Variants in CAMK2D observed in about 807,000 individuals in gnomAD.
CAMK2D encodes the protein calcium/calmodulin dependent protein kinase II delta, also known as calcium/calmodulin-dependent protein kinase type II subunit delta.
Under a neutral mutation model 84.0 loss-of-function variants are expected in CAMK2D, and 37 were observed. The observed-to-expected ratio is 0.44, with a 90% CI of 0.34 to 0.58. The LOEUF (loss-of-function observed/expected upper bound fraction) is 0.58. Among genes scored for constraint, CAMK2D ranks in the 20% least tolerant of loss-of-function variants. The pLI is 0.02. For synonymous variants in CAMK2D, 202 were observed against 212.5 expected, an observed-to-expected ratio of 0.95 and a Z score of 0.43; for missense variants, 448 against 652.5, an observed-to-expected ratio of 0.69 and a Z score of 3.41.
chr4:113,589,483 TCA>T (rs1049962950), intron 4 of CAMK2D, among the ~76,000 whole-genome samples: 3 of 152,160 alleles, frequency 2.0e-5, no homozygotes, highest in African/African-American at 7.2e-5. Context: ...TGAAATATAT[TCA>T]GTTTCTGAAT....
intron 6 of CAMK2D, among the ~76,000 whole-genome samples, chr4:113,543,813 A>G (rs2098548062): frequency 7.3e-6 from 1 of 137,698 alleles, no homozygotes; most frequent in South Asian, 2.4e-4. Context: ...TATTTTTGAG[A>G]CAGAGTCTCG....
At chr4:113,582,357 G>A (rs553702764) in intron 4 of CAMK2D, among the ~76,000 whole-genome samples, 1 of 152,158 alleles carries the variant, frequency 6.6e-6, no homozygotes, top group African/African-American at 2.4e-5. Context: ...TAGCAGAGCT[G>A]TCTCTTTAAC....
chr4:113,483,463 T>G (rs1488310132), intron 16 of CAMK2D, among the ~76,000 whole-genome samples: 16 of 152,106 alleles, frequency 1.1e-4, no homozygotes, highest in Non-Finnish European at 2.9e-5. Context: ...TGGAGTGCAG[T>G]GGCACAATCT....
chr4:113,496,815 TAGC>T (rs2097940441), intron 16 of CAMK2D, among the ~76,000 whole-genome samples: 1 of 93,280 alleles, frequency 1.1e-5, no homozygotes, highest in African/African-American at 7.6e-5. Flanking sequence ...TTTCCTGACA[TAGC>T]ATCATCAGAG....
intron 4 of CAMK2D, among the ~76,000 whole-genome samples, chr4:113,597,782 T>G (rs1201892976): frequency 1.3e-5 from 2 of 152,250 alleles, no homozygotes; most frequent in Non-Finnish European, 2.9e-5. Context: ...TAATTCTTTC[T>G]AGGTTTTGAT....
chr4:113,588,988 C>CT (rs1436563024), intron 4 of CAMK2D, among the ~76,000 whole-genome samples: 2 of 152,026 alleles, frequency 1.3e-5, no homozygotes, highest in East Asian at 3.9e-4. Context: ...GAGCCAAGCT[C>CT]TGAGAGGAGA....
In CAMK2D at chr4:113,599,961, G is replaced by A. The variant is rs76512441; in HGVS notation, c.275+9191C>T. Among the ~76,000 whole-genome samples the A allele has an allele frequency of 5.7e-3, 873 of 152,256 alleles. 29 individuals carry two copies. In the East Asian group the frequency reaches 0.11, roughly 20 times the overall value. ...ATGGCAAAGGTGGAGGAAAATCCAC[G>A]TATAAGTGGACCTGTGCAGTTCAAA... On this transcript the variant is annotated intron_variant, in intron 4 of 20. Transcript: ENST00000511664.
chr4:113,605,879 T>C (rs1591827261), intron 4 of CAMK2D, among the ~76,000 whole-genome samples: 1 of 152,016 alleles, frequency 6.6e-6, no homozygotes, highest in East Asian at 1.9e-4. Context: ...AAATCCAAAG[T>C]CTTATAAAAT....
chr4:113,615,780 T>C (rs537359506), intron 3 of CAMK2D, among the ~76,000 whole-genome samples: 89 of 152,252 alleles, frequency 5.8e-4, no homozygotes, highest in Admixed American at 1.2e-3. Flanking sequence ...GAGTCCTACA[T>C]AGCATTTATA....
chr4:113,672,183 T>A (rs1021315257), intron 2 of CAMK2D, among the ~76,000 whole-genome samples: 1 of 152,190 alleles, frequency 6.6e-6, no homozygotes, highest in Admixed American at 6.5e-5. Flanking sequence ...CTGCTAAAAC[T>A]AGTCATTAAA....
chr4:113,620,106 A>G (rs28494872), intron 3 of CAMK2D, among the ~76,000 whole-genome samples: 3,370 of 152,252 alleles, frequency 0.022, 139 homozygotes, highest in African/African-American at 0.075. Context: ...TTTCTCAAAG[A>G]TAGGGTTGGG....
intron 2 of CAMK2D, among the ~76,000 whole-genome samples, chr4:113,747,568 T>A (rs2099607426): frequency 1.3e-5 from 2 of 152,120 alleles, no homozygotes; most frequent in Non-Finnish European, 2.9e-5. Flanking sequence ...TTTTAAACAG[T>A]CATTAATCCA....
intron 13 of CAMK2D, chr4:113,508,163 C>G: frequency 1.9e-6 from 2 of 1,078,426 alleles, no homozygotes; most frequent in South Asian, 2.7e-5. Context: ...CTTACACTAT[C>G]TTAGGTAAAT....
rs910770583 is a variant in CAMK2D at position 113,520,265 on chromosome 4, G to A, written c.602-2608C>T. 7.2e-5 allele frequency among the ~76,000 whole-genome samples: 11 copies of A among 152,040 alleles called. No individual in the cohort carries two copies. The East Asian group carries it at 7.8e-4, about 11-fold the overall frequency. On this transcript the variant is annotated intron_variant, in intron 8 of 20. Coordinates refer to ENST00000511664, the MANE Select transcript of CAMK2D (RefSeq NM_001321571.2). The stretch of plus-strand genomic sequence containing the variant: ...TACTAAAAATACAAAAAAATTAACC[G>A]GGCATGGTGGCACATGCCTTTAGTC...
chr4:113,493,176 C>T (rs1208545350), intron 16 of CAMK2D, among the ~76,000 whole-genome samples: 2 of 150,216 alleles, frequency 1.3e-5, no homozygotes, highest in Admixed American at 1.3e-4. Flanking sequence ...TGAATTTGAT[C>T]CTGTCATTAT....
intron 2 of CAMK2D, among the ~76,000 whole-genome samples, chr4:113,718,650 T>C (rs1196840815): frequency 1.3e-5 from 2 of 152,300 alleles, no homozygotes; most frequent in African/African-American, 4.8e-5. Flanking sequence ...AGGGTTTTGT[T>C]TGGGAAAGGG....
intron 16 of CAMK2D, 21 bp from the exon 17 acceptor site, chr4:113,465,625 T>C (rs2097449990): frequency 6.8e-7 from 1 of 1,467,548 alleles, no homozygotes; most frequent in Non-Finnish European, 9.5e-7. Context: ...AAATATGGAG[T>C]TGGGTAAGAA....
intron 5 of CAMK2D, among the ~76,000 whole-genome samples, chr4:113,550,393 G>A (rs142214020): frequency 0.011 from 1,604 of 152,182 alleles, 28 homozygotes; most frequent in African/African-American, 0.036. Flanking sequence ...GGCTGGTCTC[G>A]AACTCCTGGG....
chr4:113,754,862 G>A, intron 2 of CAMK2D: 1 of 983,120 alleles, frequency 1.0e-6, no homozygotes, highest in Non-Finnish European at 1.2e-6. Context: ...GTCCATAACT[G>A]AAGAGTTGTG....
Sources: allele counts gnomAD v4.1 joint callset (sites outside exome capture counted in the v4.1 genomes callset), GRCh38; gene constraint gnomAD v4.1.1; transcripts MANE v1.5; gene names NCBI Gene and HGNC (gene_info 2026-07-23, HGNC 2026-07-21).